Variants in CAMTA1 observed in about 807,000 individuals in gnomAD.
CAMTA1 encodes the protein calmodulin binding transcription activator 1.
CAMTA1 carries 27 observed loss-of-function variants against 170.9 expected under a neutral mutation model. The observed-to-expected ratio is 0.16, with a 90% CI of 0.12 to 0.22. The LOEUF (loss-of-function observed/expected upper bound fraction) is 0.22. CAMTA1 is among the 10% of genes least tolerant of loss of function. CAMTA1 has a pLI of 1.00. For missense variants in CAMTA1, 1,619 were observed against 2,217.2 expected (o/e 0.73, Z 5.42); for synonymous variants, 833 against 891.5 (o/e 0.93, Z 1.17).
In CAMTA1 at chr1:6,792,146, C is replaced by T. The variant is rs143634334; in HGVS notation, c.45+6571C>T. Among the ~76,000 whole-genome samples the T allele has an allele frequency of 2.9e-4, 44 of 151,914 alleles. No individual in the cohort carries two copies. In the East Asian group the frequency reaches 7.7e-3, roughly 27 times the overall value. ...TTTTTTTTCGTATTTTTAGTAGAGACGGGGTTTCACCATGTTGGCCAGGTT... is the reference window on the plus strand; with the variant it reads ...TTTTTTTTCGTATTTTTAGTAGAGATGGGGTTTCACCATGTTGGCCAGGTT... On this transcript the variant is annotated intron_variant, in intron 1 of 22. Transcript: ENST00000303635.
At chr1:7,542,140 C>T (rs1303760364) in intron 6 of CAMTA1, among the ~76,000 whole-genome samples, 1 of 151,936 alleles carries the variant, frequency 6.6e-6, no homozygotes, top group African/African-American at 2.4e-5. Context: ...AAAAATTAGG[C>T]GTACTCATAG....
chr1:7,214,010 G>T (rs1325337220), intron 4 of CAMTA1, among the ~76,000 whole-genome samples: 2 of 152,132 alleles, frequency 1.3e-5, no homozygotes, highest in Non-Finnish European at 1.5e-5. Flanking sequence ...GTCTATCATT[G>T]TTGGACATTT....
At chr1:7,132,123 A>T (rs1311564309) in intron 4 of CAMTA1, among the ~76,000 whole-genome samples, 1 of 152,102 alleles carries the variant, frequency 6.6e-6, no homozygotes, top group East Asian at 1.9e-4. Context: ...GGCTTTTCTA[A>T]GTCATTTTTC....
At chr1:7,091,267 TA>T in intron 3 of CAMTA1, 36 bp from the exon 4 acceptor site, 1 of 1,462,370 alleles carries the variant, frequency 6.8e-7, no homozygotes, top group Non-Finnish European at 9.6e-7. Flanking sequence ...CAATGTGAGC[TA>T]ATTGTTGTTA....
In CAMTA1 at chr1:7,532,857, A is replaced by G. The variant is rs1271688587; in HGVS notation, c.510+64956A>G. Among the ~76,000 whole-genome samples, 1 of 152,196 alleles carries G rather than the reference A, an allele frequency of 6.6e-6. No individual in the cohort carries two copies. The highest frequency in any genetic ancestry group is 1.5e-5 in the Non-Finnish European group (1 of 68,034). ...AGCAGGGCCCCACGTGCTGAATGTC[A>G]AAGGGTGGAATGGACCCTGGGGCCC... On this transcript the variant is annotated intron_variant, in intron 6 of 22. Coordinates refer to ENST00000303635, the MANE Select transcript of CAMTA1 (RefSeq NM_015215.4). The surrounding 1 kb of genome is among the most constrained non-coding windows in gnomAD (Gnocchi z 4.2).
chr1:7,340,761 C>A (rs1195833754), intron 5 of CAMTA1, among the ~76,000 whole-genome samples: 1 of 151,582 alleles, frequency 6.6e-6, no homozygotes, highest in Non-Finnish European at 1.5e-5. Context: ...TCCATCCATC[C>A]ATCCATCCAT....
intron 6 of CAMTA1, among the ~76,000 whole-genome samples, chr1:7,617,092 A>G (rs1479913871): frequency 4.6e-5 from 7 of 152,096 alleles, no homozygotes; most frequent in Admixed American, 4.6e-4. Flanking sequence ...GGGAAATGAG[A>G]CTGCTGGGAG....
chr1:6,937,406 CCAT>C (rs1446051474), intron 3 of CAMTA1, among the ~76,000 whole-genome samples: 1 of 145,890 alleles, frequency 6.9e-6, no homozygotes, highest in Non-Finnish European at 1.5e-5. Context: ...ATCACCATCA[CCAT>C]CATCATCACC....
At position 6,803,920 on chromosome 1, in the gene CAMTA1, C is replaced by T. The variant is rs558895284; in HGVS notation, c.46-16261C>T. Among the ~76,000 whole-genome samples, 580 of 151,942 alleles carry T rather than the reference C, an allele frequency of 3.8e-3. 5 individuals carry two copies. The highest frequency in any genetic ancestry group is 0.013 in the African/African-American group (540 of 41,450). On this transcript the variant is annotated intron_variant, in intron 1 of 22. Transcript: ENST00000303635. ...TTTTTTGGCCAGGCATGGTGGCTCACGCCTGTAATCCCAGCACTTTGGGAG... is the reference window on the plus strand; with the variant it reads ...TTTTTTGGCCAGGCATGGTGGCTCATGCCTGTAATCCCAGCACTTTGGGAG...
At chr1:7,106,302 G>A (rs1643584791) in intron 4 of CAMTA1, among the ~76,000 whole-genome samples, 1 of 151,904 alleles carries the variant, frequency 6.6e-6, no homozygotes, top group Non-Finnish European at 1.5e-5. Flanking sequence ...GGAGGAGGAG[G>A]AGGAGACGAA....
At chr1:6,960,719 T>A (rs1314481263) in intron 3 of CAMTA1, among the ~76,000 whole-genome samples, 1 of 152,176 alleles carries the variant, frequency 6.6e-6, no homozygotes, top group Non-Finnish European at 1.5e-5. Flanking sequence ...CACTCTGCCT[T>A]TGTGTCATTG....
chr1:7,004,742 A>G (rs1698730071), intron 3 of CAMTA1, among the ~76,000 whole-genome samples: 1 of 151,990 alleles, frequency 6.6e-6, no homozygotes, highest in Non-Finnish European at 1.5e-5. Flanking sequence ...CAATTTTTTC[A>G]ATGTTTCCTA....
At chr1:6,859,340 A>G (rs1450810762) in intron 3 of CAMTA1, among the ~76,000 whole-genome samples, 1 of 152,152 alleles carries the variant, frequency 6.6e-6, no homozygotes, top group Non-Finnish European at 1.5e-5. Flanking sequence ...GTGCATAAAG[A>G]CATAGCACGG....
At chr1:7,197,615 T>C (rs1264255365) in intron 4 of CAMTA1, among the ~76,000 whole-genome samples, 1 of 131,010 alleles carries the variant, frequency 7.6e-6, no homozygotes, top group Non-Finnish European at 1.6e-5. Context: ...GACACTCAAA[T>C]TATTGTCCCC....
intron 6 of CAMTA1, among the ~76,000 whole-genome samples, chr1:7,555,495 TC>T (rs2150212573): frequency 6.6e-6 from 1 of 151,958 alleles, no homozygotes; most frequent in African/African-American, 2.4e-5. Context: ...AGCTGTGCCC[TC>T]CCCAAAGCCA....
chr1:6,958,137 G>A (rs962149210), intron 3 of CAMTA1, among the ~76,000 whole-genome samples: 1 of 152,206 alleles, frequency 6.6e-6, no homozygotes, highest in South Asian at 2.1e-4. Context: ...AAAATGGTAA[G>A]TGTGCACCCT....
At chr1:7,733,423 G>A (rs2096748644) in intron 12 of CAMTA1, among the ~76,000 whole-genome samples, 1 of 152,190 alleles carries the variant, frequency 6.6e-6, no homozygotes, top group Non-Finnish European at 1.5e-5. Flanking sequence ...AGTGTAGAAT[G>A]ACATTATACA....
In CAMTA1 at chr1:7,767,712, AGAAAT is replaced by A. The variant is rs1314953999; in HGVS notation, c.*1225_*1229del. 1.3e-5 allele frequency: 2 copies of A among 152,730 alleles called. No individual in the cohort carries two copies. Among genetic ancestry groups the A allele is most frequent in the Admixed American group, 6.5e-5 (1 of 15,278 alleles). The allele number at this position is 152,730 out of a possible 1,614,324, so 9.5% of individuals were successfully genotyped here. The stretch of plus-strand genomic sequence containing the variant: ...GATATGTGCATGAAATCAAGAAAAA[AGAAAT>A]GAACAAAAGCAAAGCATTAGTGGCT... On this transcript the variant is annotated 3_prime_UTR_variant, in exon 23 of 23. Transcript: ENST00000303635.
chr1:7,190,406 T>C (rs1293700161), intron 4 of CAMTA1, among the ~76,000 whole-genome samples: 1 of 152,196 alleles, frequency 6.6e-6, no homozygotes, highest in East Asian at 1.9e-4. Flanking sequence ...ACGTAGCATA[T>C]ATAATGATGT....
Sources: allele counts gnomAD v4.1 joint callset (sites outside exome capture counted in the v4.1 genomes callset), GRCh38; gene constraint gnomAD v4.1.1; non-coding constraint Gnocchi (gnomAD v3.1); transcripts MANE v1.5; gene names NCBI Gene and HGNC (gene_info 2026-07-23, HGNC 2026-07-21).